Variants in DNAH17 observed in about 807,000 individuals in gnomAD.
The protein encoded by DNAH17 is dynein axonemal heavy chain 17, also known as axonemal beta dynein heavy chain 17.
Under a neutral mutation model 485.6 loss-of-function variants are expected in DNAH17, and 376 were observed. The observed-to-expected ratio is 0.77, with a 90% CI of 0.71 to 0.84. The LOEUF is 0.84. DNAH17 is among the 40% of genes least tolerant of loss of function. DNAH17 has a pLI of 0.00. For synonymous variants in DNAH17, 3,031 were observed against 2,405.9 expected (o/e 1.26, Z -7.60); for missense variants, 6,370 against 5,839.3 (o/e 1.09, Z -2.96).
At chr17:78,551,471 G>A in intron 16 of DNAH17, 64 bp downstream of exon 16, 1 of 1,498,776 alleles carries the variant, frequency 6.7e-7, no homozygotes, top group Non-Finnish European at 9.3e-7. Context: ...TACGTAGCCT[G>A]GTTTGCCCCA....
chr17:78,523,274 C>A (rs1265079506), intron 25 of DNAH17, among the ~76,000 whole-genome samples: 1 of 151,974 alleles, frequency 6.6e-6, no homozygotes, highest in Non-Finnish European at 1.5e-5. Flanking sequence ...CAGGCACCTG[C>A]CACCATGCCC....
chr17:78,562,324 C>G (rs557603040), intron 11 of DNAH17, among the ~76,000 whole-genome samples: 1 of 152,194 alleles, frequency 6.6e-6, no homozygotes, highest in African/African-American at 2.4e-5. Flanking sequence ...TGGCTCACAC[C>G]TGTTATTCCA....
intron 11 of DNAH17, among the ~76,000 whole-genome samples, chr17:78,565,765 C>T (rs1394539701): frequency 1.3e-5 from 2 of 152,166 alleles, no homozygotes; most frequent in East Asian, 3.9e-4. Context: ...ACCAGCCCAA[C>T]ATGGCAAAAC....
Position 78,451,753 on chromosome 17 carries a change from C to T in DNAH17, c.10530-80G>A, listed in dbSNP as rs2305038. 65,589 of 1,299,820 alleles carry T rather than the reference C, an allele frequency of 0.05. 1,972 individuals are homozygous for T. The highest frequency in any genetic ancestry group is 0.059 in the Non-Finnish European group (56,268 of 947,312). 80.5% of individuals were successfully genotyped at this position (1,299,820 alleles called of 1,614,324 possible). ...AACACAAGTACAGACCACCTTTCAC[C>T]CCAGCCCCAGGCCAGGCCGCCACCT... On this transcript the variant is annotated intron_variant, in intron 65 of 80. Coordinates refer to ENST00000389840, the MANE Select transcript of DNAH17 (RefSeq NM_173628.4).
intron 13 of DNAH17, 147 bp downstream of exon 13, chr17:78,560,593 T>C (rs1169292316): frequency 2.5e-6 from 2 of 798,932 alleles, no homozygotes; most frequent in Non-Finnish European, 3.6e-6. Flanking sequence ...ATGTCTTAAA[T>C]ATACCCTGGA....
At chr17:78,426,359 T>C in intron 79 of DNAH17, 98 bp downstream of exon 79, 1 of 1,386,748 alleles carries the variant, frequency 7.2e-7, no homozygotes, top group Non-Finnish European at 9.5e-7. Context: ...AGGAGCCTCC[T>C]GGCCATGCTC....
Position 78,424,068 on chromosome 17 carries a change from C to T in DNAH17, c.13227G>A (p.Lys4409=), listed in dbSNP as rs754432776. 4.3e-6 allele frequency: 7 copies of T among 1,614,016 alleles called. No individual in the cohort carries two copies. The highest frequency in any genetic ancestry group is 1.6e-4 in the Middle Eastern group (1 of 6,062). Residue 4409 remains lysine, a synonymous_variant, in exon 81 of 81, where the codon AAG becomes AAA. Coordinates refer to ENST00000389840, the MANE Select transcript of DNAH17 (RefSeq NM_173628.4). ...LTPAMPVIFI[K]AIPVDRMETK... ...TCTCCATGCGGTCCACAGGAATGGC[C>T]TTGATGAAGATGACAGGCATGGCCG...
chr17:78,502,591 C>T lies in DNAH17; in HGVS notation c.5190G>A (p.Gln1730=). ...AACTAACTACACACTAGTAACACAC[C>T]TGCTTTTTGTTATAATCTCTGATAG... ...ENAIRDYNKK[Q]ISQLNVLITL... Residue 1730 remains glutamine (Q), a splice_region_variant and synonymous_variant, in exon 33 of 81, where the codon CAG becomes CAA. Coordinates refer to ENST00000389840, the MANE Select transcript of DNAH17 (RefSeq NM_173628.4). 2.5e-6 allele frequency: 4 copies of T among 1,612,278 alleles called. No individual in the cohort carries two copies. Among genetic ancestry groups the T allele is most frequent in the Non-Finnish European group, 3.4e-6 (4 of 1,179,258 alleles).
chr17:78,521,450 A>G (rs2090932108), intron 25 of DNAH17, among the ~76,000 whole-genome samples: 5 of 152,212 alleles, frequency 3.3e-5, no homozygotes, highest in Admixed American at 3.3e-4. Context: ...CGACTTGTCT[A>G]CAAACATGCT....
chr17:78,445,503 G>A, intron 70 of DNAH17, 55 bp downstream of exon 70: 3 of 1,542,990 alleles, frequency 1.9e-6, no homozygotes, highest in Non-Finnish European at 2.6e-6. Flanking sequence ...GCATCAGCTG[G>A]AGGGGGCTCC....
chr17:78,554,625 G>A lies in DNAH17; in HGVS notation c.2179-1820C>T, dbSNP rs377479498. 8.9e-4 allele frequency among the ~76,000 whole-genome samples: 135 copies of A among 152,112 alleles called. 4 individuals are homozygous for A. In the South Asian group the frequency reaches 0.027, roughly 30 times the overall value. ...ACCATTTAGGCCTAGGAATCTCATC[G>A]TACCAAGCAACATCTTGTTTCATGA... is the stretch of plus-strand genomic sequence containing the variant. On this transcript the variant is annotated intron_variant, in intron 14 of 80. Coordinates refer to ENST00000389840, the MANE Select transcript of DNAH17 (RefSeq NM_173628.4).
chr17:78,569,016 C>G (rs1209103686), intron 9 of DNAH17, 150 bp downstream of exon 9: 2 of 667,502 alleles, frequency 3.0e-6, no homozygotes, highest in East Asian at 5.5e-5. Flanking sequence ...TGCCGCAAAG[C>G]CTTGGTTTCC....
At chr17:78,512,118 G>A (rs2090650955) in intron 26 of DNAH17, among the ~76,000 whole-genome samples, 1 of 152,168 alleles carries the variant, frequency 6.6e-6, no homozygotes, top group African/African-American at 2.4e-5. Flanking sequence ...TGGGCTGGCT[G>A]GGACTTAATG....
At chr17:78,470,211 G>A (rs1274689972) in intron 54 of DNAH17, among the ~76,000 whole-genome samples, 2 of 150,904 alleles carry the variant, frequency 1.3e-5, no homozygotes, top group South Asian at 4.2e-4. Context: ...GAGATTACAG[G>A]CATGTGCCAC....
chr17:78,502,130 A>G, intron 33 of DNAH17: 3 of 512,294 alleles, frequency 5.9e-6, no homozygotes, highest in South Asian at 2.5e-5. Flanking sequence ...GATGAGAAGC[A>G]AAAACAGCTG....
At position 78,476,653 on chromosome 17, in the gene DNAH17, C is replaced by T. The variant is rs1359197601; in HGVS notation, c.8073G>A (p.Val2691=). 1.9e-6 allele frequency: 3 copies of T among 1,612,688 alleles called. No homozygotes were observed. The highest frequency in any genetic ancestry group is 1.7e-4 in the Middle Eastern group (1 of 6,060). Reference sequence around the variant, plus strand: ...TTTCGTCAACCATTTTGTCACCATACACTCGTTCAGTCTCATGTAGCCAAA... The same window carrying T: ...TTTCGTCAACCATTTTGTCACCATATACTCGTTCAGTCTCATGTAGCCAAA... The part of the protein sequence containing the change: ...VRLWLHETER[V]YGDKMVDEKD... Residue 2691 remains valine, a synonymous_variant, in exon 52 of 81, where the codon GTG becomes GTA. Transcript: ENST00000389840.
intron 19 of DNAH17, among the ~76,000 whole-genome samples, chr17:78,534,003 A>G (rs2091307970): frequency 6.6e-6 from 1 of 152,354 alleles, no homozygotes; most frequent in East Asian, 1.9e-4. Context: ...GACATCTTAA[A>G]AAAATAAAAT....
intron 16 of DNAH17, among the ~76,000 whole-genome samples, chr17:78,549,814 C>G (rs1247678206): frequency 6.6e-6 from 1 of 152,180 alleles, no homozygotes; most frequent in Non-Finnish European, 1.5e-5. Context: ...TCCCCACCGC[C>G]CAGAGCCTGC....
At chr17:78,539,938 C>T (rs1174930250) in intron 17 of DNAH17, 58 bp from the exon 18 acceptor site, 2 of 1,497,800 alleles carry the variant, frequency 1.3e-6, no homozygotes, top group Non-Finnish European at 1.8e-6. Context: ...GCTCTTTGAT[C>T]ACACTGTTTA....
Sources: gnomAD v4.1 joint callset for allele counts (sites outside exome capture counted in the v4.1 genomes callset) on GRCh38, gnomAD v4.1.1 for gene constraint, MANE v1.5 for transcripts, NCBI Gene and HGNC (gene_info 2026-07-23, HGNC 2026-07-21) for gene names.